The following DLGAP1 variants were observed in gnomAD, a reference collection of about 807,000 sequenced individuals.
DLGAP1 encodes the protein disks large-associated protein 1.
Under a neutral mutation model 90.8 loss-of-function variants are expected in DLGAP1, and 11 were observed. The observed-to-expected ratio is 0.12, with a 90% CI of 0.08 to 0.20. The LOEUF is 0.20. Ranked by LOEUF, DLGAP1 falls within the 10% of genes least tolerant of loss-of-function variation. The pLI, the probability that DLGAP1 is intolerant of heterozygous loss-of-function variation, is 1.00. For synonymous variants in DLGAP1, 558 were observed against 540.7 expected (o/e 1.03, Z -0.44); for missense variants, 1,050 against 1,333.8 (o/e 0.79, Z 3.31).
chr18:4,152,350 A>G (rs1015244112), intron 1 of DLGAP1, among the ~76,000 whole-genome samples: 1 of 152,224 alleles, frequency 6.6e-6, no homozygotes, highest in East Asian at 1.9e-4. Flanking sequence ...CCTCCTAATT[A>G]TAAGAATTAT....
Position 4,203,537 on chromosome 18 carries a change from T to C in DLGAP1, c.-266-52250A>G, listed in dbSNP as rs551281594. ...TTATTTGGGCTTCTACTTTGACACA[T>C]GTTTTAGCTTTAAGGTATCTTAAAA... On this transcript the variant is annotated intron_variant, in intron 1 of 12. Transcript: ENST00000315677. Among the ~76,000 whole-genome samples, 4 of 152,270 alleles carry C rather than the reference T, an allele frequency of 2.6e-5. No homozygotes were observed. In the East Asian group the frequency reaches 7.7e-4, roughly 29 times the overall value.
At chr18:4,058,294 G>A (rs1029023755) in intron 2 of DLGAP1, among the ~76,000 whole-genome samples, 3 of 152,150 alleles carry the variant, frequency 2.0e-5, no homozygotes, top group African/African-American at 4.8e-5. Context: ...TTGTGTGCCC[G>A]GGGCTCTTGT....
chr18:4,362,519 G>A (rs1567862055), intron 1 of DLGAP1, among the ~76,000 whole-genome samples: 1 of 152,184 alleles, frequency 6.6e-6, no homozygotes, highest in Non-Finnish European at 1.5e-5. Flanking sequence ...GATGTACTTA[G>A]CGTATTCAAA....
intron 7 of DLGAP1, among the ~76,000 whole-genome samples, chr18:3,602,146 A>T (rs556569687): frequency 1.3e-5 from 2 of 152,302 alleles, no homozygotes; most frequent in African/African-American, 4.8e-5. Context: ...CACTGACCTA[A>T]AAGTGTGTCT....
At chr18:4,257,443 G>A (rs1438944566) in intron 1 of DLGAP1, among the ~76,000 whole-genome samples, 1 of 151,936 alleles carries the variant, frequency 6.6e-6, no homozygotes, top group Non-Finnish European at 1.5e-5. Flanking sequence ...GGCTAAATAG[G>A]GTTAAATAAG....
chr18:3,616,237 C>T lies in DLGAP1; in HGVS notation c.1592-33989G>A, dbSNP rs114537892. On this transcript the variant is annotated intron_variant, in intron 7 of 12. Transcript: ENST00000315677. ...TTCCATCTGACATGTCCTTCTAGAA[C>T]AGGTGTTCACAAACTTTTTCTGTTA... 4.4e-3 allele frequency among the ~76,000 whole-genome samples: 672 copies of T among 152,286 alleles called. 7 individuals are homozygous for T. The highest frequency in any genetic ancestry group is 0.015 in the African/African-American group (628 of 41,562).
chr18:3,529,823 G>A (rs2144386211), intron 10 of DLGAP1, among the ~76,000 whole-genome samples: 1 of 152,306 alleles, frequency 6.6e-6, no homozygotes, highest in South Asian at 2.1e-4. Flanking sequence ...ATTATCTTGG[G>A]ACTTTGCCAG....
At chr18:3,558,378 A>G (rs1000940270) in intron 9 of DLGAP1, among the ~76,000 whole-genome samples, 1 of 152,082 alleles carries the variant, frequency 6.6e-6, no homozygotes, top group African/African-American at 2.4e-5. Context: ...AACCACAGGC[A>G]CGTGCTATAA....
chr18:4,180,763 C>CATAGCAAAGAG (rs6146198), intron 1 of DLGAP1, among the ~76,000 whole-genome samples: 63,170 of 151,544 alleles, frequency 0.42, 13,852 homozygotes, highest in East Asian at 0.69. Flanking sequence ...AAAATTTTAT[C>CATAGCAAAGAG]ATATGCTCAG....
chr18:4,305,019 A>G (rs2080214987), intron 1 of DLGAP1, among the ~76,000 whole-genome samples: 1 of 151,862 alleles, frequency 6.6e-6, no homozygotes, highest in Non-Finnish European at 1.5e-5. Context: ...CTCCTTGCCC[A>G]CTCCTTTTAG....
rs1303587681 is a variant in DLGAP1, at chr18:4,008,218, T to A, written c.-158-3017A>T. 2.8e-5 allele frequency among the ~76,000 whole-genome samples: 4 copies of A among 141,096 alleles called. No homozygotes were observed. The South Asian group carries it at 6.5e-4, about 23-fold the overall frequency. 92.6% of individuals were successfully genotyped at this position (141,096 alleles called of 152,430 possible). A position where few individuals can be genotyped will look rare whatever the true frequency, so the allele number is the denominator to read the frequency against. On this transcript the variant is annotated intron_variant, in intron 2 of 12. Transcript: ENST00000315677. ...AACCCTATATGTAAATAAATAAATATATATATATACACACACACACACACA... is the reference window on the plus strand; with the variant it reads ...AACCCTATATGTAAATAAATAAATAAATATATATACACACACACACACACA...
chr18:4,243,037 G>A (rs1331172304), intron 1 of DLGAP1, among the ~76,000 whole-genome samples: 1 of 152,116 alleles, frequency 6.6e-6, no homozygotes, highest in Non-Finnish European at 1.5e-5. Flanking sequence ...AGAAAGAAAG[G>A]GGAGAGTGCT....
intron 9 of DLGAP1, among the ~76,000 whole-genome samples, chr18:3,560,845 A>T (rs2144998692): frequency 6.6e-6 from 1 of 150,780 alleles, no homozygotes; most frequent in Non-Finnish European, 1.5e-5. Context: ...TTCTTAGCAT[A>T]CTAATTTTAC....
chr18:3,520,246 G>A (rs562827529), intron 10 of DLGAP1, among the ~76,000 whole-genome samples: 1 of 151,934 alleles, frequency 6.6e-6, no homozygotes, highest in South Asian at 2.1e-4. Flanking sequence ...CTGCTACCCT[G>A]AGGCCTTGCT....
rs552419070 is a variant in DLGAP1, at chr18:4,232,183, C to T, written c.-266-80896G>A. Among the ~76,000 whole-genome samples the T allele has an allele frequency of 1.6e-4, 25 of 152,176 alleles. No individual in the cohort carries two copies. In the South Asian group the frequency reaches 5.2e-3, roughly 32 times the overall value. The stretch of plus-strand genomic sequence containing the variant: ...AAACTATCCCAAGAATTCCCGCCAT[C>T]CAACAAAGAAACAGATGTTGGTGGT... On this transcript the variant is annotated intron_variant, in intron 1 of 12. Coordinates refer to ENST00000315677, the MANE Select transcript of DLGAP1 (RefSeq NM_004746.4).
chr18:3,667,397 A>G lies in DLGAP1; in HGVS notation c.1591+61738T>C, dbSNP rs149884005. Among the ~76,000 whole-genome samples, 1,234 of 152,108 alleles carry G rather than the reference A, an allele frequency of 8.1e-3. 17 individuals carry two copies. Among genetic ancestry groups the G allele is most frequent in the African/African-American group, 0.028 (1,165 of 41,496 alleles). ...CATGTGAACTTGGAAAACCCTCTTAACCTTTCTTTGTCTCCTCCACTTACA... is the reference window on the plus strand; with the variant it reads ...CATGTGAACTTGGAAAACCCTCTTAGCCTTTCTTTGTCTCCTCCACTTACA... On this transcript the variant is annotated intron_variant, in intron 7 of 12. Coordinates refer to ENST00000315677, the MANE Select transcript of DLGAP1 (RefSeq NM_004746.4).
intron 1 of DLGAP1, among the ~76,000 whole-genome samples, chr18:4,424,038 G>T (rs2083099019): frequency 6.6e-6 from 1 of 151,926 alleles, no homozygotes; most frequent in Admixed American, 6.6e-5. Context: ...TGTAATCCCA[G>T]CTACTCAGGC....
chr18:3,872,688 C>T (rs2070826627), intron 4 of DLGAP1, among the ~76,000 whole-genome samples: 1 of 152,136 alleles, frequency 6.6e-6, no homozygotes, highest in Non-Finnish European at 1.5e-5. Context: ...ATTCACAAAT[C>T]ACTGTGTAAA....
intron 1 of DLGAP1, among the ~76,000 whole-genome samples, chr18:4,361,295 T>G (rs887500148): frequency 6.6e-6 from 1 of 152,142 alleles, no homozygotes; most frequent in Non-Finnish European, 1.5e-5. Flanking sequence ...AAATCCTGAA[T>G]AGCCAAAACA....
Sources: allele counts gnomAD v4.1 joint callset (sites outside exome capture counted in the v4.1 genomes callset), GRCh38; gene constraint gnomAD v4.1.1; transcripts MANE v1.5; gene names NCBI Gene and HGNC (gene_info 2026-07-23, HGNC 2026-07-21).